Variants in NCAN observed in about 807,000 individuals in gnomAD.
NCAN encodes neurocan core protein.
Under a neutral mutation model 121.8 loss-of-function variants are expected in NCAN, and 47 were observed. The observed-to-expected ratio is 0.39, with a 90% confidence interval of 0.31 to 0.49. The LOEUF (loss-of-function observed/expected upper bound fraction) is 0.49. NCAN is among the 20% of genes least tolerant of loss of function. NCAN has a pLI of 0.92. For missense variants in NCAN, 1,517 were observed against 1,773.4 expected, an observed-to-expected ratio of 0.86 and a Z score of 2.60; for synonymous variants, 633 against 702.0, an observed-to-expected ratio of 0.90 and a Z score of 1.55.
At chr19:19,217,827 A>G (rs1043136712) in intron 2 of NCAN, among the ~76,000 whole-genome samples, 14 of 152,126 alleles carry the variant, frequency 9.2e-5, no homozygotes, top group African/African-American at 3.4e-4. Flanking sequence ...TCTCTACAGA[A>G]AATACAAAAA....
intron 1 of NCAN, among the ~76,000 whole-genome samples, chr19:19,215,704 G>A (rs1210768919): frequency 6.6e-6 from 1 of 152,164 alleles, no homozygotes; most frequent in South Asian, 2.1e-4. Context: ...ACCAAATCCT[G>A]GAATTGAAGC....
At chr19:19,231,063 T>C (rs913081773) in intron 8 of NCAN, among the ~76,000 whole-genome samples, 7 of 152,046 alleles carry the variant, frequency 4.6e-5, no homozygotes, top group Non-Finnish European at 1.0e-4. Flanking sequence ...TTTTCTTAGA[T>C]GTCCAGGAGG....
At chr19:19,237,301 C>A (rs1312724148) in intron 10 of NCAN, among the ~76,000 whole-genome samples, 1 of 151,970 alleles carries the variant, frequency 6.6e-6, no homozygotes, top group Non-Finnish European at 1.5e-5. Flanking sequence ...ACCATCCTGG[C>A]CAACATGGAG....
Position 19,228,292 on chromosome 19 carries a change from G to T in NCAN, c.2672G>T (p.Gly891Val). The change falls in exon 8 of 15, where the codon GGC becomes GTC. Residue 891 changes from glycine (G) to valine (V), a missense_variant. Physicochemically the swap from Gly to Val is moderately radical, Grantham distance 109. Transcript: ENST00000252575. ...GGAGTTCCAGCCATGTCTACACTGG[G>T]CTCCTCAAGCTCCCAACCCCACCCA... ...KVGVPAMSTLGSSSSQPHPEP... is the reference protein window; with the variant it reads ...KVGVPAMSTLVSSSSQPHPEP... 2 of 1,613,936 alleles carry T rather than the reference G, an allele frequency of 1.2e-6. No homozygotes were observed. Among genetic ancestry groups the T allele is most frequent in the Non-Finnish European group, 1.7e-6 (2 of 1,180,008 alleles).
chr19:19,214,175 G>T (rs1402405155), intron 1 of NCAN, among the ~76,000 whole-genome samples: 1 of 152,110 alleles, frequency 6.6e-6, no homozygotes, highest in Admixed American at 6.6e-5. Flanking sequence ...TGAGGTGGGG[G>T]TGAAGTGAAG....
intron 1 of NCAN, 146 bp from the exon 2 acceptor site, chr19:19,216,801 T>G: frequency 2.2e-6 from 1 of 452,194 alleles, no homozygotes; most frequent in Non-Finnish European, 3.9e-6. Flanking sequence ...CTTTGCTGGC[T>G]CCTTCTGTGA....
At position 19,224,150 on chromosome 19, in the gene NCAN, G is replaced by C; in HGVS notation, c.605G>C (p.Gly202Ala). 1.2e-6 allele frequency: 2 copies of C among 1,603,238 alleles called. No homozygotes were observed. Among genetic ancestry groups the C allele is most frequent in the Non-Finnish European group, 1.7e-6 (2 of 1,171,530 alleles). The change falls in exon 4 of 15, where the codon GGC becomes GCC. Residue 202 changes from glycine to alanine, a missense_variant. Transcript: ENST00000252575. ...CATCTACAGGCTGCCTTTGAGGATG[G>C]CTTTGACAACTGTGATGCTGGCTGG... Reference protein sequence around the residue: ...PRHLQAAFEDGFDNCDAGWLS... With the variant: ...PRHLQAAFEDAFDNCDAGWLS...
intron 11 of NCAN, among the ~76,000 whole-genome samples, chr19:19,239,158 A>G (rs1172031690): frequency 6.6e-6 from 1 of 152,030 alleles, no homozygotes; most frequent in African/African-American, 2.4e-5. Context: ...TTCTGCAAAG[A>G]TGCAACAGTG....
In NCAN at chr19:19,249,771, C is replaced by T. The variant is rs763221106; in HGVS notation, c.3826C>T (p.Arg1276Cys). The change falls in exon 15 of 15, where the codon CGT (arginine) becomes TGT (cysteine). Residue 1276 changes from arginine to cysteine, a missense_variant. Arg to Cys is a radical substitution (Grantham distance 180). Coordinates refer to ENST00000252575, the MANE Select transcript of NCAN (RefSeq NM_004386.3). Reference sequence around the variant, plus strand: ...CCTCCCTCACTTCCCTGCAGCCAGACGTTCACATCGGATGCGGCGACACCA... The same window carrying T: ...CCTCCCTCACTTCCCTGCAGCCAGATGTTCACATCGGATGCGGCGACACCA... Reference protein sequence around the residue: ...RPQIVCTKPRRSHRMRRHHHH... With the variant: ...RPQIVCTKPRCSHRMRRHHHH... The T allele has an allele frequency of 9.4e-6, 15 of 1,599,984 alleles. No individual in the cohort carries two copies. Among genetic ancestry groups the T allele is most frequent in the Admixed American group, 3.5e-5 (2 of 57,136 alleles).
intron 12 of NCAN, among the ~76,000 whole-genome samples, chr19:19,244,632 C>T (rs1192266831): frequency 2.0e-5 from 3 of 150,584 alleles, no homozygotes; most frequent in Non-Finnish European, 4.4e-5. Flanking sequence ...ATCTTTGATT[C>T]TTTAACTCTC....
chr19:19,242,972 A>C (rs147421742), intron 12 of NCAN, among the ~76,000 whole-genome samples: 184 of 152,210 alleles, frequency 1.2e-3, no homozygotes, highest in African/African-American at 4.3e-3. Flanking sequence ...CCATCTCTAC[A>C]AAAAATTCAA....
At chr19:19,244,539 C>T (rs918634380) in intron 12 of NCAN, among the ~76,000 whole-genome samples, 2 of 151,860 alleles carry the variant, frequency 1.3e-5, no homozygotes, top group Non-Finnish European at 2.9e-5. Flanking sequence ...AAACTCCTGA[C>T]CTCAAGTGAT....
chr19:19,230,048 T>G (rs1204092617), intron 8 of NCAN, among the ~76,000 whole-genome samples: 1 of 152,116 alleles, frequency 6.6e-6, no homozygotes, highest in African/African-American at 2.4e-5. Flanking sequence ...CACACTTTTT[T>G]TTTGTTTGTT....
chr19:19,243,927 G>A (rs979866915), intron 12 of NCAN, among the ~76,000 whole-genome samples: 1 of 151,970 alleles, frequency 6.6e-6, no homozygotes, highest in Non-Finnish European at 1.5e-5. Flanking sequence ...TCAGGAGGCT[G>A]GGGCAGGAGA....
Position 19,227,266 on chromosome 19 carries a change from TTGA to T in NCAN, c.1661-12_1661-10del, listed in dbSNP as rs764028917. ...CTGAGAGATCATTGTAATGATTGCC[TTGA>T]TGTTGTTGCAGGTTCTGCTGGTGGC... On this transcript the variant is annotated splice_polypyrimidine_tract_variant and intron_variant, in intron 7 of 14. Transcript: ENST00000252575. The surrounding 1 kb of genome is among the most constrained non-coding windows in gnomAD (Gnocchi z 4.2). 5 of 1,535,070 alleles carry T rather than the reference TTGA, an allele frequency of 3.3e-6. No individual in the cohort carries two copies. Among genetic ancestry groups the T allele is most frequent in the Non-Finnish European group, 3.5e-6 (4 of 1,142,520 alleles).
Position 19,235,043 on chromosome 19 carries a change from A to G in NCAN, c.3197A>G (p.Asn1066Ser), listed in dbSNP as rs759572708. ...GGAGGCACCTGTATTGATGAGGTCA[A>G]TGGCTTTGTCTGCCTTTGCCTCCCC... ...ENGGTCIDEV[N>S]GFVCLCLPSY... The change falls in exon 10 of 15, where the codon AAT becomes AGT. Residue 1066 changes from asparagine to serine, a missense_variant. Asn to Ser is a conservative substitution (Grantham distance 46). Transcript: ENST00000252575. The G allele has an allele frequency of 5.6e-6, 9 of 1,613,126 alleles. No individual in the cohort carries two copies. Among genetic ancestry groups the G allele is most frequent in the Non-Finnish European group, 6.8e-6 (8 of 1,179,292 alleles).
chr19:19,213,415 A>G (rs2060782618), intron 1 of NCAN, among the ~76,000 whole-genome samples: 1 of 141,274 alleles, frequency 7.1e-6, no homozygotes, highest in African/African-American at 2.7e-5. Context: ...CAAGGCCACA[A>G]TTATCCATCT....
At chr19:19,232,573 G>A (rs533495776) in intron 8 of NCAN, among the ~76,000 whole-genome samples, 47 of 152,348 alleles carry the variant, frequency 3.1e-4, no homozygotes, top group African/African-American at 9.9e-4. Flanking sequence ...AGCAATTACT[G>A]AGTGCCTATT....
intron 12 of NCAN, among the ~76,000 whole-genome samples, chr19:19,243,377 G>A (rs987146767): frequency 6.6e-6 from 1 of 151,784 alleles, no homozygotes; most frequent in Non-Finnish European, 1.5e-5. Context: ...TTAGCCAGGC[G>A]TGGTGGCGTG....
Sources: gnomAD v4.1 joint callset for allele counts (sites outside exome capture counted in the v4.1 genomes callset) on GRCh38, gnomAD v4.1.1 for gene constraint, Gnocchi (gnomAD v3.1) non-coding constraint, MANE v1.5 for transcripts, NCBI Gene and HGNC (gene_info 2026-07-23, HGNC 2026-07-21) for gene names.